Variants in XKR4 observed in about 807,000 individuals in gnomAD.
XKR4 encodes the protein XK related 4.
In XKR4, 12 loss-of-function variants were observed where a neutral mutation model predicts 53.9. That is an observed-to-expected ratio of 0.22 (90% CI 0.14 to 0.36). XKR4 has a LOEUF of 0.36. Among genes scored for constraint, XKR4 ranks in the 10% least tolerant of loss-of-function variants. The pLI is 1.00. For missense variants in XKR4, 799 were observed against 859.5 expected (o/e 0.93, Z 0.88); for synonymous variants, 354 against 362.4 (o/e 0.98, Z 0.26).
At chr8:55,326,329 G>T (rs1022068252) in intron 1 of XKR4, among the ~76,000 whole-genome samples, 9 of 152,222 alleles carry the variant, frequency 5.9e-5, no homozygotes, top group African/African-American at 2.2e-4. Context: ...CAATAACCAG[G>T]CATGATCAGT....
intron 2 of XKR4, among the ~76,000 whole-genome samples, chr8:55,461,056 C>T (rs1310196604): frequency 6.6e-6 from 1 of 152,234 alleles, no homozygotes. Context: ...GGACAGGGCA[C>T]AGACAAACAA....
intron 1 of XKR4, among the ~76,000 whole-genome samples, chr8:55,324,922 T>C (rs1803271058): frequency 6.6e-6 from 1 of 152,200 alleles, no homozygotes; most frequent in Admixed American, 6.5e-5. Context: ...TATACAAATA[T>C]TTTACCACCT....
At chr8:55,331,805 T>C (rs1483324921) in intron 1 of XKR4, among the ~76,000 whole-genome samples, 1 of 152,172 alleles carries the variant, frequency 6.6e-6, no homozygotes, top group East Asian at 1.9e-4. Context: ...AAATATCTTC[T>C]ATTCTTTCAC....
rs541850791 is a variant in XKR4, at chr8:55,275,458, T to G, written c.807-82220T>G. 2.0e-5 allele frequency among the ~76,000 whole-genome samples: 3 copies of G among 152,294 alleles called. No individual in the cohort carries two copies. In the East Asian group the frequency reaches 5.8e-4, roughly 29 times the overall value. ...CTCCTCCAAGATACTGTATAATAAA[T>G]ATATTCATTTTTGGCTGAACAGGAT... On this transcript the variant is annotated intron_variant, in intron 1 of 2. Coordinates refer to ENST00000327381, the MANE Select transcript of XKR4 (RefSeq NM_052898.2).
At chr8:55,414,669 T>A (rs1435405764) in intron 2 of XKR4, among the ~76,000 whole-genome samples, 1 of 151,840 alleles carries the variant, frequency 6.6e-6, no homozygotes, top group East Asian at 1.9e-4. Context: ...GAAGTGGAGA[T>A]CACTAGGGAC....
At chr8:55,367,231 TTGTG>T (rs58010809) in intron 2 of XKR4, among the ~76,000 whole-genome samples, 35 of 150,450 alleles carry the variant, frequency 2.3e-4, no homozygotes, top group African/African-American at 7.3e-4. Context: ...ACATACATTA[TTGTG>T]TGTGTGTGTG....
chr8:55,207,699 A>G (rs1312294264), intron 1 of XKR4, among the ~76,000 whole-genome samples: 1 of 131,732 alleles, frequency 7.6e-6, no homozygotes, highest in Non-Finnish European at 1.6e-5. Flanking sequence ...AGTAAATGGG[A>G]CACCAATCCT....
chr8:55,216,349 G>A (rs1394874348), intron 1 of XKR4, among the ~76,000 whole-genome samples: 1 of 152,188 alleles, frequency 6.6e-6, no homozygotes, highest in African/African-American at 2.4e-5. Flanking sequence ...TCAAGCCCTA[G>A]TGACCAAGGA....
intron 2 of XKR4, among the ~76,000 whole-genome samples, chr8:55,519,844 T>C (rs963997248): frequency 1.3e-5 from 2 of 152,096 alleles, no homozygotes; most frequent in African/African-American, 4.8e-5. Context: ...TAATCGCAAA[T>C]GGGTGAGAGA....
chr8:55,517,724 G>T (rs1806736719), intron 2 of XKR4: 1 of 152,212 alleles, frequency 6.6e-6, no homozygotes, highest in Admixed American at 6.5e-5. Context: ...CCAGAGAGCT[G>T]CCAGGTCGGG....
intron 1 of XKR4, among the ~76,000 whole-genome samples, chr8:55,139,453 C>T (rs1051882334): frequency 7.0e-6 from 1 of 142,722 alleles, no homozygotes; most frequent in South Asian, 2.2e-4. Context: ...AGGAGGATTG[C>T]TTGAAACTTT....
At chr8:55,343,159 C>T (rs895718312) in intron 1 of XKR4, among the ~76,000 whole-genome samples, 7 of 152,158 alleles carry the variant, frequency 4.6e-5, no homozygotes, top group African/African-American at 1.7e-4. Flanking sequence ...CCAACTCCTG[C>T]CATGGTTAGC....
chr8:55,423,390 C>T (rs972177517), intron 2 of XKR4, among the ~76,000 whole-genome samples: 18 of 152,248 alleles, frequency 1.2e-4, no homozygotes, highest in Non-Finnish European at 1.2e-4. Flanking sequence ...CCACCGCACC[C>T]GCCAGTACAT....
chr8:55,135,025 A>C (rs1816605572), intron 1 of XKR4, among the ~76,000 whole-genome samples: 1 of 151,428 alleles, frequency 6.6e-6, no homozygotes, highest in South Asian at 2.1e-4. Context: ...GTAGAGGTAG[A>C]TATGATAAAT....
intron 1 of XKR4, among the ~76,000 whole-genome samples, chr8:55,324,381 A>T (rs1017438117): frequency 6.6e-6 from 1 of 152,196 alleles, no homozygotes; most frequent in Admixed American, 6.5e-5. Flanking sequence ...AGTGTGAGCC[A>T]CCGCACCCAG....
At chr8:55,135,615 G>A (rs1469258179) in intron 1 of XKR4, 2 of 456,038 alleles carry the variant, frequency 4.4e-6, no homozygotes, top group African/African-American at 4.0e-5. Context: ...GTCTACTGAG[G>A]AAAAGCCAAG....
At chr8:55,161,397 C>G (rs534342233) in intron 1 of XKR4, 1 of 385,162 alleles carries the variant, frequency 2.6e-6, no homozygotes, top group Admixed American at 3.2e-5. Context: ...CCTTACATCA[C>G]AGTGACTGTC....
intron 1 of XKR4, among the ~76,000 whole-genome samples, chr8:55,290,129 A>G (rs886065825): frequency 2.7e-4 from 41 of 149,552 alleles, no homozygotes; most frequent in African/African-American, 9.9e-4. Context: ...TCTTTAATTT[A>G]ATTTTTTTTT....
chr8:55,114,337 AT>A (rs1365354890), intron 1 of XKR4, among the ~76,000 whole-genome samples: 2 of 151,964 alleles, frequency 1.3e-5, no homozygotes, highest in African/African-American at 4.8e-5. Flanking sequence ...TGTGTTGAGC[AT>A]TTTTTTCATA....
Sources: gnomAD v4.1 joint callset for allele counts (sites outside exome capture counted in the v4.1 genomes callset) on GRCh38, gnomAD v4.1.1 for gene constraint, MANE v1.5 for transcripts, NCBI Gene and HGNC (gene_info 2026-07-23, HGNC 2026-07-21) for gene names.